Variants in GPC3 observed in about 807,000 individuals in gnomAD.
GPC3 encodes glypican-3.
GPC3 carries 3 observed loss-of-function variants against 34.4 expected under a neutral mutation model. That is an observed-to-expected ratio of 0.09 (90% CI 0.04 to 0.23). The LOEUF is 0.23. GPC3 is among the 10% of genes least tolerant of loss of function. The pLI is 1.00. For missense variants in GPC3, 351 were observed against 445.6 expected, an observed-to-expected ratio of 0.79 and a Z score of 1.91; for synonymous variants, 177 against 174.0, an observed-to-expected ratio of 1.02 and a Z score of -0.13.
chrX:133,851,443 C>T (rs2124559852), intron 2 of GPC3, among the ~76,000 whole-genome samples: 1 of 111,896 alleles, frequency 8.9e-6, no homozygotes, highest in East Asian at 2.8e-4. Flanking sequence ...ATCTATTTCC[C>T]TTCCCTACTT....
At chrX:133,548,422 A>C (rs1487768177) in intron 7 of GPC3, among the ~76,000 whole-genome samples, 2 of 111,384 alleles carry the variant, frequency 1.8e-5, no homozygotes, top group African/African-American at 3.3e-5. Flanking sequence ...ATAAATAAAT[A>C]AATCAATAAA....
At chrX:133,755,905 A>G (rs1214972963) in intron 2 of GPC3, among the ~76,000 whole-genome samples, 1 of 112,294 alleles carries the variant, frequency 8.9e-6, no homozygotes, top group East Asian at 2.8e-4. Context: ...CGTTAAAATC[A>G]TCAGAAATTT....
At chrX:133,898,750 C>T (rs2076131300) in intron 2 of GPC3, among the ~76,000 whole-genome samples, 1 of 111,842 alleles carries the variant, frequency 8.9e-6, no homozygotes, top group Non-Finnish European at 1.9e-5. Flanking sequence ...AGTGCATAAG[C>T]CTGTTTTGGG....
intron 1 of GPC3, among the ~76,000 whole-genome samples, chrX:133,972,384 C>G (rs1192252831): frequency 8.9e-6 from 1 of 111,936 alleles, no homozygotes; most frequent in Non-Finnish European, 1.9e-5. Context: ...AAGATATACC[C>G]CAGAATGCCA....
chrX:133,907,447 G>GAA (rs1190244723), intron 2 of GPC3, among the ~76,000 whole-genome samples: 1 of 107,135 alleles, frequency 9.3e-6, no homozygotes. Context: ...TAGAAAATAG[G>GAA]AAAAAAAAAG....
chrX:133,865,284 C>CT (rs1261184911), intron 2 of GPC3, among the ~76,000 whole-genome samples: 1 of 112,195 alleles, frequency 8.9e-6, no homozygotes, highest in Non-Finnish European at 1.9e-5. Context: ...AACAAGAGTC[C>CT]TTTTTTTACA....
chrX:133,886,018 C>T (rs1341796029), intron 2 of GPC3, among the ~76,000 whole-genome samples: 2 of 111,356 alleles, frequency 1.8e-5, no homozygotes, highest in African/African-American at 6.5e-5. Flanking sequence ...ATTAAAAGCA[C>T]CAAATTTTAT....
chrX:133,568,969 C>A (rs1307852887), intron 7 of GPC3, among the ~76,000 whole-genome samples: 1 of 110,915 alleles, frequency 9.0e-6, no homozygotes, highest in Non-Finnish European at 1.9e-5. Context: ...GAGTTCGAGA[C>A]CAGCCTGGGC....
intron 2 of GPC3, among the ~76,000 whole-genome samples, chrX:133,841,612 T>C (rs1044263361): frequency 3.1e-4 from 34 of 110,910 alleles, no homozygotes; most frequent in African/African-American, 1.1e-3. Context: ...ATAAAAGAAG[T>C]TTAGGCAGAA....
chrX:133,800,216 A>G (rs1369732018), intron 2 of GPC3, among the ~76,000 whole-genome samples: 1 of 112,220 alleles, frequency 8.9e-6, no homozygotes, highest in Non-Finnish European at 1.9e-5. Context: ...AAAAATAATT[A>G]TGTTGTCATG....
chrX:133,814,654 G>A (rs759207931), intron 2 of GPC3, among the ~76,000 whole-genome samples: 4 of 110,335 alleles, frequency 3.6e-5, no homozygotes, highest in Admixed American at 9.7e-5. Flanking sequence ...TGCAACCTCC[G>A]CCTCCCAGGA....
chrX:133,802,369 A>G (rs917755575), intron 2 of GPC3, among the ~76,000 whole-genome samples: 5 of 111,462 alleles, frequency 4.5e-5, no homozygotes, highest in African/African-American at 1.6e-4. Context: ...AACAACAACA[A>G]CAACAACATA....
intron 6 of GPC3, among the ~76,000 whole-genome samples, chrX:133,605,018 G>A (rs115511935): frequency 0.054 from 6,067 of 111,611 alleles, 364 homozygotes; most frequent in African/African-American, 0.17. Flanking sequence ...GGCCTAGCAC[G>A]TGACCTGTGT....
chrX:133,789,493 C>G (rs2072139132), intron 2 of GPC3, among the ~76,000 whole-genome samples: 1 of 111,899 alleles, frequency 8.9e-6, no homozygotes, highest in Admixed American at 9.5e-5. Context: ...AGAGACAGCT[C>G]TCTGCGTTGA....
intron 2 of GPC3, among the ~76,000 whole-genome samples, chrX:133,818,327 A>G (rs2075702341): frequency 8.9e-6 from 1 of 112,017 alleles, no homozygotes; most frequent in Non-Finnish European, 1.9e-5. Flanking sequence ...GATGTATAAC[A>G]TTAAAGCAAA....
chrX:133,653,436 C>T (rs911112166), intron 6 of GPC3, among the ~76,000 whole-genome samples: 2 of 111,229 alleles, frequency 1.8e-5, no homozygotes, highest in Non-Finnish European at 3.8e-5. Flanking sequence ...GAAGGAGGCA[C>T]GAGATAAATT....
intron 3 of GPC3, among the ~76,000 whole-genome samples, chrX:133,707,034 T>A (rs2071225262): frequency 8.9e-6 from 1 of 112,116 alleles, no homozygotes; most frequent in Admixed American, 9.5e-5. Context: ...TAAACAAGCA[T>A]GAAATATTGC....
chrX:133,607,325 C>T (rs2070061317), intron 6 of GPC3, among the ~76,000 whole-genome samples: 1 of 111,636 alleles, frequency 9.0e-6, no homozygotes, highest in Admixed American at 9.5e-5. Context: ...GGGACTAGCA[C>T]AATGCCTGAC....
chrX:133,627,357 A>T (rs1053281316), intron 6 of GPC3, among the ~76,000 whole-genome samples: 5 of 111,933 alleles, frequency 4.5e-5, no homozygotes, highest in Non-Finnish European at 7.5e-5. Context: ...CTAAAATCTT[A>T]GGTTCAAAAG....
Sources: gnomAD v4.1 joint callset for allele counts (sites outside exome capture counted in the v4.1 genomes callset) on GRCh38, gnomAD v4.1.1 for gene constraint, MANE v1.5 for transcripts, NCBI Gene and HGNC (gene_info 2026-07-23, HGNC 2026-07-21) for gene names.